The following TCF12 variants were observed in gnomAD, a reference collection of about 807,000 sequenced individuals.
TCF12 encodes the protein transcription factor 12.
Under a neutral mutation model 86.0 loss-of-function variants are expected in TCF12, and 45 were observed. The ratio of observed to expected loss-of-function variants is 0.52; its 90% CI spans 0.41 to 0.67. TCF12 has a LOEUF of 0.67. TCF12 is among the 30% of genes least tolerant of loss of function. TCF12 has a pLI of 0.00. For missense variants in TCF12, 881 were observed against 859.9 expected, an observed-to-expected ratio of 1.02 and a Z score of -0.31; for synonymous variants, 330 against 299.6, an observed-to-expected ratio of 1.10 and a Z score of -1.05.
At chr15:57,237,134 A>G (rs892776530) in intron 12 of TCF12, among the ~76,000 whole-genome samples, 5 of 136,878 alleles carry the variant, frequency 3.7e-5, no homozygotes, top group Admixed American at 2.5e-4. Context: ...AGCAAGGGAA[A>G]AAGAGAGAGA....
chr15:57,080,027 C>G (rs554420525), intron 4 of TCF12, among the ~76,000 whole-genome samples: 99 of 152,260 alleles, frequency 6.5e-4, no homozygotes, highest in African/African-American at 2.3e-3. Context: ...TTTAGATGCT[C>G]TTTCAAATTG....
intron 3 of TCF12, among the ~76,000 whole-genome samples, chr15:56,991,066 C>A (rs1335693222): frequency 1.3e-5 from 2 of 152,082 alleles, no homozygotes; most frequent in African/African-American, 4.8e-5. Flanking sequence ...AAAGTGCTGA[C>A]ATTACAGACG....
At chr15:57,110,596 C>T (rs946621589) in intron 5 of TCF12, among the ~76,000 whole-genome samples, 1 of 151,994 alleles carries the variant, frequency 6.6e-6, no homozygotes, top group Non-Finnish European at 1.5e-5. Flanking sequence ...TTTTTGTGTA[C>T]AGGAAGAAAA....
At chr15:57,008,581 T>C (rs1412087398) in intron 3 of TCF12, among the ~76,000 whole-genome samples, 1 of 152,186 alleles carries the variant, frequency 6.6e-6, no homozygotes, top group Non-Finnish European at 1.5e-5. Flanking sequence ...GAATGCTTAT[T>C]TTTAAATTTT....
intron 3 of TCF12, among the ~76,000 whole-genome samples, chr15:57,052,745 C>T (rs1435625576): frequency 6.6e-6 from 1 of 151,976 alleles, no homozygotes; most frequent in Non-Finnish European, 1.5e-5. Context: ...CTTTAGTGAG[C>T]TTCTTCTGTG....
At chr15:56,963,676 C>T (rs1355916591) in intron 3 of TCF12, among the ~76,000 whole-genome samples, 3 of 152,158 alleles carry the variant, frequency 2.0e-5, no homozygotes, top group African/African-American at 7.2e-5. Flanking sequence ...GAGGTTCCTA[C>T]CCACAACCTT....
chr15:57,152,093 C>T (rs185441720), intron 5 of TCF12, among the ~76,000 whole-genome samples: 1 of 152,318 alleles, frequency 6.6e-6, no homozygotes, highest in Admixed American at 6.5e-5. Context: ...GTGGAAGCCT[C>T]TGGTAAACTC....
intron 4 of TCF12, chr15:57,072,641 T>C: frequency 7.7e-7 from 1 of 1,297,516 alleles, no homozygotes; most frequent in South Asian, 1.3e-5. Context: ...ATTTTATGCC[T>C]CTTGATCTCA....
intron 3 of TCF12, among the ~76,000 whole-genome samples, chr15:56,994,282 A>G (rs895235471): frequency 6.6e-6 from 1 of 152,176 alleles, no homozygotes; most frequent in South Asian, 2.1e-4. Flanking sequence ...ACAAGAACCA[A>G]AATTTCATAA....
chr15:57,273,246 A>T lies in TCF12; in HGVS notation c.1962A>T (p.Leu654=), dbSNP rs1323397472. 2.5e-6 allele frequency: 4 copies of T among 1,614,158 alleles called. No individual in the cohort carries two copies. The highest frequency in any genetic ancestry group is 3.4e-6 in the Non-Finnish European group (4 of 1,180,014). Residue 654 remains leucine, a synonymous_variant, in exon 19 of 21, where the codon CTA becomes CTT. Transcript: ENST00000333725. ...AAGCCGTGGCAGTCATCCTTAGTCTAGAACAGCAAGTCAGAGGTAAGTAGG... is the reference window on the plus strand; with the variant it reads ...AAGCCGTGGCAGTCATCCTTAGTCTTGAACAGCAAGTCAGAGGTAAGTAGG... The part of the protein sequence containing the change: ...LHQAVAVILS[L]EQQVRERNLN...
rs61173765 is a variant in TCF12 at position 57,007,755 on chromosome 15, C to CTTCTTTCTTTCTTTCT, written c.149-55974_149-55959dup. On this transcript the variant is annotated intron_variant, in intron 3 of 20. Coordinates refer to ENST00000333725, the MANE Select transcript of TCF12 (RefSeq NM_207037.2). ...GAAAATGATGTAACAAATATTTTTC[C>CTTCTTTCTTTCTTTCT]TTCTTTCTTTCTTTCTTTCTTTCTT... Among the ~76,000 whole-genome samples the CTTCTTTCTTTCTTTCT allele has an allele frequency of 7.9e-4, 66 of 83,978 alleles. 1 individual carries two copies. Among genetic ancestry groups the CTTCTTTCTTTCTTTCT allele is most frequent in the African/African-American group, 2.7e-3 (65 of 23,972 alleles). The allele number at this position is 83,978 out of a possible 152,430, so 55.1% of individuals were successfully genotyped here. A position where few individuals can be genotyped will look rare whatever the true frequency, so the allele number is the denominator to read the frequency against.
At chr15:57,071,476 C>A (rs1164094972) in intron 4 of TCF12, among the ~76,000 whole-genome samples, 1 of 152,054 alleles carries the variant, frequency 6.6e-6, no homozygotes, top group Admixed American at 6.6e-5. Flanking sequence ...AAAACCCCAT[C>A]TCTTAAAAAT....
rs569861883 is a variant in TCF12 at position 57,211,251 on chromosome 15, A to G, written c.579+13426A>G. ...CTGCTTTTCTTTATTTTGTTTTACT[A>G]TTTTGTTCAAGATAAAGTTGATAGG... On this transcript the variant is annotated intron_variant, in intron 8 of 20. Coordinates refer to ENST00000333725, the MANE Select transcript of TCF12 (RefSeq NM_207037.2). Among the ~76,000 whole-genome samples the G allele has an allele frequency of 4.2e-4, 64 of 152,188 alleles. No homozygotes were observed. In the South Asian group the frequency reaches 0.013, roughly 31 times the overall value.
intron 3 of TCF12, among the ~76,000 whole-genome samples, chr15:57,021,954 A>G (rs1315300772): frequency 6.6e-6 from 1 of 152,074 alleles, no homozygotes; most frequent in Non-Finnish European, 1.5e-5. Context: ...GGTTTGACCT[A>G]TAATGGTAGG....
intron 3 of TCF12, among the ~76,000 whole-genome samples, chr15:57,020,997 GTATGT>G (rs2065445768): frequency 6.6e-6 from 1 of 152,064 alleles, no homozygotes; most frequent in Non-Finnish European, 1.5e-5. Flanking sequence ...TAGACTTTAT[GTATGT>G]TATACTAATT....
chr15:57,004,636 C>A (rs1294454164), intron 3 of TCF12, among the ~76,000 whole-genome samples: 1 of 152,142 alleles, frequency 6.6e-6, no homozygotes, highest in African/African-American at 2.4e-5. Flanking sequence ...GTCTCTGTCT[C>A]CTGACCTTGT....
chr15:56,958,695 G>A (rs2061607585), intron 3 of TCF12, among the ~76,000 whole-genome samples: 1 of 150,368 alleles, frequency 6.7e-6, no homozygotes, highest in Admixed American at 6.6e-5. Context: ...GTGTGTGTGT[G>A]TGTGTGTGTG....
intron 3 of TCF12, among the ~76,000 whole-genome samples, chr15:57,021,345 A>G (rs1298774176): frequency 6.6e-6 from 1 of 152,168 alleles, no homozygotes; most frequent in African/African-American, 2.4e-5. Context: ...AGCAGGTTAA[A>G]CTAGTGATGG....
At chr15:57,158,106 A>C (rs1291909078) in intron 5 of TCF12, among the ~76,000 whole-genome samples, 1 of 151,896 alleles carries the variant, frequency 6.6e-6, no homozygotes, top group Non-Finnish European at 1.5e-5. Context: ...AGTGGAGAGC[A>C]TGAGGAAGGG....
Sources: gnomAD v4.1 joint callset for allele counts (sites outside exome capture counted in the v4.1 genomes callset) on GRCh38, gnomAD v4.1.1 for gene constraint, MANE v1.5 for transcripts, NCBI Gene and HGNC (gene_info 2026-07-23, HGNC 2026-07-21) for gene names.